The following NPSR1 variants were observed in gnomAD, a reference collection of about 807,000 sequenced individuals.
NPSR1 encodes neuropeptide S receptor 1.
In NPSR1, 48 loss-of-function variants were observed where a neutral mutation model predicts 46.9. That is an observed-to-expected ratio of 1.02 (90% CI 0.81 to 1.30). The LOEUF (loss-of-function observed/expected upper bound fraction) is 1.30. Among genes scored for constraint, NPSR1 ranks in the 50% most tolerant of loss-of-function variants. NPSR1 has a pLI of 0.00. For synonymous variants in NPSR1, 176 were observed against 168.1 expected, an observed-to-expected ratio of 1.05 and a Z score of -0.36; for missense variants, 450 against 449.5, an observed-to-expected ratio of 1.00 and a Z score of -0.01.
chr7:34,692,568 T>G (rs183842774), intron 2 of NPSR1, among the ~76,000 whole-genome samples: 5 of 152,002 alleles, frequency 3.3e-5, no homozygotes. Flanking sequence ...AGAGAAAAGT[T>G]TATAGAATTC....
intron 8 of NPSR1, among the ~76,000 whole-genome samples, chr7:34,876,994 C>G (rs1204228283): frequency 1.3e-5 from 2 of 152,192 alleles, no homozygotes; most frequent in Non-Finnish European, 2.9e-5. Context: ...GTCCCCCATA[C>G]AGACACACAA....
At chr7:34,818,628 A>G (rs867350403) in intron 4 of NPSR1, among the ~76,000 whole-genome samples, 1 of 152,242 alleles carries the variant, frequency 6.6e-6, no homozygotes, top group Non-Finnish European at 1.5e-5. Context: ...CTAAGCAAAA[A>G]GAACAAAGCT....
chr7:34,869,246 C>A (rs1225889867), intron 8 of NPSR1, among the ~76,000 whole-genome samples: 1 of 151,548 alleles, frequency 6.6e-6, no homozygotes, highest in Admixed American at 6.6e-5. Flanking sequence ...GAGGCAAAAA[C>A]CAGGGAAGCG....
At chr7:34,756,854 G>A (rs1270194930) in intron 2 of NPSR1, among the ~76,000 whole-genome samples, 1 of 152,154 alleles carries the variant, frequency 6.6e-6, no homozygotes, top group Non-Finnish European at 1.5e-5. Context: ...AGCAGAGCAG[G>A]TGCCATGCAT....
chr7:34,815,722 C>G (rs2128752151), intron 4 of NPSR1, among the ~76,000 whole-genome samples: 1 of 152,294 alleles, frequency 6.6e-6, no homozygotes, highest in African/African-American at 2.4e-5. Context: ...GATCTCTTGG[C>G]AGAAACCCTA....
intron 2 of NPSR1, among the ~76,000 whole-genome samples, chr7:34,707,674 G>C (rs532783361): frequency 6.6e-6 from 1 of 152,238 alleles, no homozygotes; most frequent in African/African-American, 2.4e-5. Context: ...TTTCATCATC[G>C]AAAGCTCAGT....
At chr7:34,752,108 C>A in intron 2 of NPSR1, 1 of 540,440 alleles carries the variant, frequency 1.9e-6, no homozygotes. Context: ...ATTGCCAGAC[C>A]AACTTAAAAT....
chr7:34,762,809 AT>A (rs769608163), intron 2 of NPSR1, among the ~76,000 whole-genome samples: 14 of 152,216 alleles, frequency 9.2e-5, no homozygotes, highest in Non-Finnish European at 1.8e-4. Flanking sequence ...CAATGTCTTC[AT>A]AAAAATTGTG....
At chr7:34,869,092 G>A (rs1791390681) in intron 8 of NPSR1, among the ~76,000 whole-genome samples, 1 of 151,694 alleles carries the variant, frequency 6.6e-6, no homozygotes, top group Admixed American at 6.6e-5. Flanking sequence ...TAAGTTCAAG[G>A]TTCTGGGGAA....
At chr7:34,730,838 T>A (rs1428193159) in intron 2 of NPSR1, among the ~76,000 whole-genome samples, 2 of 152,200 alleles carry the variant, frequency 1.3e-5, no homozygotes, top group Non-Finnish European at 2.9e-5. Context: ...AACCATGTCA[T>A]CCTTGTTGAC....
At chr7:34,854,439 A>G (rs1180106998), downstream of NPSR1, among the ~76,000 whole-genome samples, 2 of 152,234 alleles carry the variant, frequency 1.3e-5, no homozygotes, top group Non-Finnish European at 2.9e-5. Context: ...ACACAAGGAT[A>G]CAGAAAGTTT....
intron 2 of NPSR1, among the ~76,000 whole-genome samples, chr7:34,694,231 T>C (rs1407755202): frequency 6.6e-6 from 1 of 152,156 alleles, no homozygotes. Context: ...TGTTCAGTAA[T>C]GACATGACTG....
At chr7:34,704,585 A>T (rs1018259521) in intron 2 of NPSR1, among the ~76,000 whole-genome samples, 2 of 152,222 alleles carry the variant, frequency 1.3e-5, no homozygotes, top group Non-Finnish European at 2.9e-5. Context: ...TGTGGAATTA[A>T]ACAAAGACCA....
chr7:34,749,402 G>T (rs971953922), intron 2 of NPSR1, among the ~76,000 whole-genome samples: 5 of 152,214 alleles, frequency 3.3e-5, no homozygotes, highest in African/African-American at 1.2e-4. Flanking sequence ...AAAGGAAGAT[G>T]TTCATTATTG....
chr7:34,674,985 T>G (rs1273217360), intron 1 of NPSR1, among the ~76,000 whole-genome samples: 1 of 152,164 alleles, frequency 6.6e-6, no homozygotes, highest in Non-Finnish European at 1.5e-5. Context: ...TAAACCAAAA[T>G]TGGGGCAGAA....
intron 3 of NPSR1, among the ~76,000 whole-genome samples, chr7:34,794,083 G>T (rs1488998077): frequency 6.6e-6 from 1 of 151,894 alleles, no homozygotes; most frequent in Non-Finnish European, 1.5e-5. Context: ...AGTGAAAGAG[G>T]GTATGGGAGA....
chr7:34,869,294 A>C (rs1791394815), intron 8 of NPSR1, among the ~76,000 whole-genome samples: 1 of 151,864 alleles, frequency 6.6e-6, no homozygotes, highest in East Asian at 1.9e-4. Context: ...GAAACAACAA[A>C]ACAATTCAAG....
At chr7:34,854,075 A>T (rs1791001033), downstream of NPSR1, among the ~76,000 whole-genome samples, 1 of 152,240 alleles carries the variant, frequency 6.6e-6, no homozygotes, top group African/African-American at 2.4e-5. Context: ...ATTATCTTGC[A>T]TGCAAAATGT....
At chr7:34,712,350 T>G (rs11981253) in intron 2 of NPSR1, among the ~76,000 whole-genome samples, 3,293 of 152,342 alleles carry the variant, frequency 0.022, 112 homozygotes, top group African/African-American at 0.074. Flanking sequence ...TTCTTTGTTG[T>G]TGTGCTTTTC....
Sources: allele counts gnomAD v4.1 joint callset (sites outside exome capture counted in the v4.1 genomes callset), GRCh38; gene constraint gnomAD v4.1.1; transcripts MANE v1.5; gene names NCBI Gene and HGNC (gene_info 2026-07-23, HGNC 2026-07-21).